Variants in AGTPBP1 observed in about 807,000 individuals in gnomAD.
AGTPBP1 encodes the protein cytosolic carboxypeptidase 1.
Under a neutral mutation model 143.9 loss-of-function variants are expected in AGTPBP1, and 70 were observed. That is an observed-to-expected ratio of 0.49 (90% CI 0.40 to 0.59). The LOEUF (loss-of-function observed/expected upper bound fraction) is 0.59, where lower values mean the gene tolerates loss of function less well. AGTPBP1 is among the 20% of genes least tolerant of loss of function. The pLI is 0.00. For synonymous variants in AGTPBP1, 463 were observed against 500.2 expected (o/e 0.93, Z 0.99); for missense variants, 1,229 against 1,464.5 (o/e 0.84, Z 2.62).
chr9:85,741,960 C>A (rs965445450), upstream of AGTPBP1: 2 of 1,255,964 alleles, frequency 1.6e-6, no homozygotes, highest in Non-Finnish European at 2.0e-6. Context: ...AACCTGTCCG[C>A]ATCCCGGGCA....
Position 85,547,049 on chromosome 9 carries a change from G to C in AGTPBP1, c.*60C>G. The C allele has an allele frequency of 6.8e-7, 1 of 1,464,850 alleles. No individual in the cohort carries two copies. The highest frequency in any genetic ancestry group is 9.1e-7 in the Non-Finnish European group (1 of 1,103,806). 90.7% of individuals were successfully genotyped at this position (1,464,850 alleles called of 1,614,324 possible). On this transcript the variant is annotated 3_prime_UTR_variant, in exon 26 of 26. Transcript: ENST00000357081. ...AAACTCATTTCTCTCAAGCTTCCTG[G>C]GAAATAAAAACCAAGATATTTCATT...
intron 17 of AGTPBP1, among the ~76,000 whole-genome samples, chr9:85,616,677 T>C (rs1007399465): frequency 6.6e-6 from 1 of 151,972 alleles, no homozygotes; most frequent in East Asian, 1.9e-4. Flanking sequence ...AAATATTATG[T>C]AGCATCATTA....
chr9:85,570,238 C>A (rs1411481291), intron 25 of AGTPBP1, among the ~76,000 whole-genome samples: 1 of 152,174 alleles, frequency 6.6e-6, no homozygotes, highest in African/African-American at 2.4e-5. Context: ...CGTCACCAGA[C>A]TACTGAGAAC....
At chr9:85,588,194 G>T in intron 21 of AGTPBP1, 104 bp downstream of exon 21, 2 of 1,071,658 alleles carry the variant, frequency 1.9e-6, no homozygotes, top group Non-Finnish European at 2.5e-6. Context: ...CTTTATTCTA[G>T]AAAAATCACT....
intron 3 of AGTPBP1, among the ~76,000 whole-genome samples, chr9:85,683,474 T>C (rs563087299): frequency 1.7e-4 from 26 of 152,186 alleles, no homozygotes; most frequent in Non-Finnish European, 3.1e-4. Context: ...CTATCTTCCT[T>C]TGAAGACAGT....
intron 25 of AGTPBP1, among the ~76,000 whole-genome samples, chr9:85,553,665 A>G (rs1181748767): frequency 6.6e-6 from 1 of 152,250 alleles, no homozygotes; most frequent in African/African-American, 2.4e-5. Context: ...TTGCCATTGA[A>G]CTAAAACATT....
chr9:85,650,231 T>C (rs999255411), intron 11 of AGTPBP1, among the ~76,000 whole-genome samples: 1 of 152,102 alleles, frequency 6.6e-6, no homozygotes, highest in Non-Finnish European at 1.5e-5. Context: ...CCTAAAATAT[T>C]GTCCATTCCA....
chr9:85,599,429 TTTC>T (rs369805179), intron 17 of AGTPBP1, among the ~76,000 whole-genome samples: 331 of 152,284 alleles, frequency 2.2e-3, no homozygotes, highest in African/African-American at 7.6e-3. Context: ...TGCTCCACAT[TTTC>T]TTTTCTTCCT....
intron 1 of AGTPBP1, among the ~76,000 whole-genome samples, chr9:85,725,192 C>T (rs1359588213): frequency 6.6e-6 from 1 of 152,042 alleles, no homozygotes; most frequent in Admixed American, 6.6e-5. Context: ...AGTTTTTCTA[C>T]AACAATGTAT....
At chr9:85,567,427 C>T (rs1827180159) in intron 25 of AGTPBP1, among the ~76,000 whole-genome samples, 1 of 151,958 alleles carries the variant, frequency 6.6e-6, no homozygotes, top group South Asian at 2.1e-4. Context: ...CCCGTATCTA[C>T]TAAAAATACA....
intron 13 of AGTPBP1, among the ~76,000 whole-genome samples, chr9:85,639,856 G>A (rs1832351568): frequency 1.3e-5 from 2 of 152,136 alleles, no homozygotes; most frequent in Admixed American, 1.3e-4. Context: ...TTAAAAGCAT[G>A]GTGAGGTCAC....
At chr9:85,649,980 G>A (rs920286925) in intron 11 of AGTPBP1, among the ~76,000 whole-genome samples, 8 of 150,416 alleles carry the variant, frequency 5.3e-5, no homozygotes, top group African/African-American at 1.7e-4. Flanking sequence ...GTGATCTGTA[G>A]GTTGTTTCAG....
intron 1 of AGTPBP1, among the ~76,000 whole-genome samples, chr9:85,740,141 G>C (rs1413794657): frequency 6.6e-6 from 1 of 152,102 alleles, no homozygotes; most frequent in East Asian, 1.9e-4. Context: ...GCCTCAATTC[G>C]GAAAAGCTTT....
In AGTPBP1 at chr9:85,692,732, G is replaced by C; in HGVS notation, c.114C>G (p.Ala38=). 1 of 1,613,912 alleles carries C rather than the reference G, an allele frequency of 6.2e-7. No individual in the cohort carries two copies. ...GAAGAATTTTTGATGTAACATATCG[G>C]GCAGTGTCTGATTCTGAAGGCTCAG... is the stretch of plus-strand genomic sequence containing the variant. The part of the protein sequence containing the change: ...INAEPSESDT[A]RYVTSKILHL... The change falls in exon 3 of 26, where the codon GCC becomes GCG. Residue 38 remains alanine (A), a synonymous_variant. Transcript: ENST00000357081.
At chr9:85,708,799 G>T (rs921241967) in intron 2 of AGTPBP1, among the ~76,000 whole-genome samples, 2 of 152,208 alleles carry the variant, frequency 1.3e-5, no homozygotes, top group Non-Finnish European at 2.9e-5. Context: ...GCCTCCCAAA[G>T]TGCTGGGATT....
At chr9:85,758,971 C>T in the AGTPBP1 span, among the ~76,000 whole-genome samples, 1 of 152,064 alleles carries the variant, frequency 6.6e-6, no homozygotes, top group Non-Finnish European at 1.5e-5. Context: ...GGTTGCAATC[C>T]TAGTCTCTGA....
At chr9:85,637,900 C>T (rs1358382979) in intron 13 of AGTPBP1, among the ~76,000 whole-genome samples, 1 of 152,106 alleles carries the variant, frequency 6.6e-6, no homozygotes, top group Non-Finnish European at 1.5e-5. Context: ...ACAGCATGTG[C>T]ACAAGTGCAC....
chr9:85,669,943 G>A (rs1222561741), intron 7 of AGTPBP1, among the ~76,000 whole-genome samples: 4 of 152,130 alleles, frequency 2.6e-5, no homozygotes, highest in African/African-American at 9.7e-5. Flanking sequence ...AAAGTGTAGA[G>A]AGAATGACAG....
intron 2 of AGTPBP1, among the ~76,000 whole-genome samples, chr9:85,693,684 G>C (rs928382712): frequency 6.6e-6 from 1 of 152,056 alleles, no homozygotes; most frequent in Admixed American, 6.6e-5. Context: ...CTCCTGCCCC[G>C]CATAGAGTGT....
Sources: gnomAD v4.1 joint callset for allele counts (sites outside exome capture counted in the v4.1 genomes callset) on GRCh38, gnomAD v4.1.1 for gene constraint, MANE v1.5 for transcripts, NCBI Gene and HGNC (gene_info 2026-07-23, HGNC 2026-07-21) for gene names.